Variants in ABR observed in about 807,000 individuals in gnomAD.
ABR encodes the protein ABR activator of RhoGEF and GTPase.
ABR carries 35 observed loss-of-function variants against 107.2 expected under a neutral mutation model. The observed-to-expected ratio is 0.33, with a 90% CI of 0.25 to 0.43. The LOEUF (loss-of-function observed/expected upper bound fraction) is 0.43, where lower values mean the gene tolerates loss of function less well. Ranked by LOEUF, ABR falls within the 20% of genes least tolerant of loss-of-function variation. The pLI is 1.00. For synonymous variants in ABR, 498 were observed against 462.0 expected (o/e 1.08, Z -1.00); for missense variants, 815 against 1,115.2 (o/e 0.73, Z 3.83).
chr17:1,204,684 C>T (rs1039307504), intron 1 of ABR, among the ~76,000 whole-genome samples: 2 of 152,104 alleles, frequency 1.3e-5, no homozygotes, highest in African/African-American at 4.8e-5. Flanking sequence ...GAGCAGTAAG[C>T]TGTCTATATC....
At chr17:1,109,136 AGGGAGGAGGCGGGC>A (rs979530474) in intron 2 of ABR, 73 of 747,852 alleles carry the variant, frequency 9.8e-5, no homozygotes, top group Non-Finnish European at 1.3e-4. Flanking sequence ...AGGAGGGAGG[AGGGAGGAGGCGGGC>A]GGGAGGGGGG....
intron 16 of ABR, among the ~76,000 whole-genome samples, chr17:1,018,847 T>TA (rs1465252871): frequency 6.6e-6 from 1 of 152,180 alleles, no homozygotes; most frequent in Non-Finnish European, 1.5e-5. Flanking sequence ...ATAGCAGACA[T>TA]ATGCGGTTTA....
intron 1 of ABR, among the ~76,000 whole-genome samples, chr17:1,144,392 C>A (rs115185476): frequency 6.6e-6 from 1 of 151,906 alleles, no homozygotes; most frequent in African/African-American, 2.4e-5. Context: ...CGGGATTCAA[C>A]GAGGTGGGCA....
At chr17:1,012,394 C>G in intron 18 of ABR, 3 of 664,656 alleles carry the variant, frequency 4.5e-6, no homozygotes, top group Non-Finnish European at 8.3e-6. Context: ...CCGTTGGTGC[C>G]GAGCCCAAAC....
intron 10 of ABR, 39 bp downstream of exon 10, chr17:1,067,038 C>T: frequency 6.2e-7 from 1 of 1,605,162 alleles, no homozygotes; most frequent in South Asian, 1.1e-5. Flanking sequence ...ACACAGCTGG[C>T]TCAAAGGGCC....
At chr17:1,106,670 C>T (rs958378461) in intron 2 of ABR, among the ~76,000 whole-genome samples, 6 of 151,906 alleles carry the variant, frequency 3.9e-5, no homozygotes, top group African/African-American at 1.4e-4. Flanking sequence ...GCTGGGATTA[C>T]AGACGCCCAC....
At chr17:1,058,306 A>T (rs2033574400) in intron 11 of ABR, among the ~76,000 whole-genome samples, 2 of 152,006 alleles carry the variant, frequency 1.3e-5, no homozygotes, top group South Asian at 4.2e-4. Flanking sequence ...CGCCCGGCTA[A>T]TTTTTGTGTT....
intron 1 of ABR, among the ~76,000 whole-genome samples, chr17:1,133,422 T>C (rs938093207): frequency 2.0e-5 from 3 of 152,160 alleles, no homozygotes; most frequent in African/African-American, 7.2e-5. Flanking sequence ...GTGTGAAATA[T>C]TAAAAACAAC....
chr17:1,038,012 G>T (rs142646535), intron 16 of ABR, among the ~76,000 whole-genome samples: 1 of 152,146 alleles, frequency 6.6e-6, no homozygotes, highest in Admixed American at 6.5e-5. Context: ...ATTTTATGCC[G>T]ACGTCTCCCT....
At chr17:1,054,527 TGGGGGCACAAAGAACCTGAGGGGAC>T (rs796445578) in intron 14 of ABR, among the ~76,000 whole-genome samples, 1 of 33,828 alleles carries the variant, frequency 3.0e-5, no homozygotes, top group African/African-American at 1.2e-4. Flanking sequence ...CCTCAGGGGA[TGGGGGCACAAAGAACCTGAGGGGAC>T]GGGGGCACAA....
chr17:1,074,843 G>C (rs1215057572), intron 6 of ABR, among the ~76,000 whole-genome samples: 1 of 152,240 alleles, frequency 6.6e-6, no homozygotes, highest in Non-Finnish European at 1.5e-5. Context: ...CTATTTGGGA[G>C]GCTGAGGCAG....
At chr17:1,142,770 CACAG>C (rs1051225385) in intron 1 of ABR, among the ~76,000 whole-genome samples, 1 of 152,096 alleles carries the variant, frequency 6.6e-6, no homozygotes, top group Non-Finnish European at 1.5e-5. Flanking sequence ...GATTGTGAAC[CACAG>C]ACAGGCAGGG....
chr17:1,007,307 G>A lies in ABR; in HGVS notation c.2348C>T (p.Ala783Val). 1 of 1,614,040 alleles carries A rather than the reference G, an allele frequency of 6.2e-7. No homozygotes were observed. The highest frequency in any genetic ancestry group is 8.5e-7 in the Non-Finnish European group (1 of 1,179,956). The change falls in exon 22 of 23, where the codon GCC (alanine) becomes GTC (valine). Residue 783 changes from alanine to valine, a missense_variant. Around this residue, in one of 5 missense-constraint regions of ABR, gnomAD observed 175 missense variants for 284.3 expected, o/e 0.62. Coordinates refer to ENST00000302538, the MANE Select transcript of ABR (RefSeq NM_021962.5). ...LFLLEHLKRV[A>V]EKEPINKMSL... ...CATTTTGTTGATGGGCTCCTTCTCGGCAACCCTAAGAAGGAGAAGATGGGG... is the reference window on the plus strand; with the variant it reads ...CATTTTGTTGATGGGCTCCTTCTCGACAACCCTAAGAAGGAGAAGATGGGG...
chr17:1,123,222 G>A (rs889376834), intron 2 of ABR, among the ~76,000 whole-genome samples: 8 of 152,236 alleles, frequency 5.3e-5, no homozygotes, highest in African/African-American at 9.6e-5. Flanking sequence ...ACCTTTGCCC[G>A]GACGATCCCC....
intron 16 of ABR, among the ~76,000 whole-genome samples, chr17:1,046,689 G>A (rs1372850423): frequency 6.6e-6 from 1 of 152,224 alleles, no homozygotes; most frequent in Non-Finnish European, 1.5e-5. Context: ...CTCTGTCCGG[G>A]CTGGGGGATT....
At chr17:1,160,285 CA>C (rs1461231823) in intron 1 of ABR, among the ~76,000 whole-genome samples, 1,369 of 19,954 alleles carry the variant, frequency 0.069, 26 homozygotes, top group African/African-American at 0.2. Flanking sequence ...AAAAAAACCA[CA>C]CACACACACA....
At chr17:1,029,723 G>C (rs552007581) in intron 16 of ABR, among the ~76,000 whole-genome samples, 1 of 152,314 alleles carries the variant, frequency 6.6e-6, no homozygotes, top group African/African-American at 2.4e-5. Flanking sequence ...CAAGAGGCCT[G>C]GCCCTTTGAC....
At chr17:1,190,748 C>T (rs1012316157), upstream of ABR, among the ~76,000 whole-genome samples, 3 of 152,176 alleles carry the variant, frequency 2.0e-5, no homozygotes, top group East Asian at 1.9e-4. Context: ...CTGCTCTCGC[C>T]GTCTGCTGGG....
intron 1 of ABR, among the ~76,000 whole-genome samples, chr17:1,223,070 C>T (rs1359805136): frequency 2.0e-5 from 3 of 151,926 alleles, no homozygotes; most frequent in East Asian, 1.9e-4. Context: ...GGTGTGGTGG[C>T]GGGCACCTGT....
Sources: gnomAD v4.1 joint callset for allele counts (sites outside exome capture counted in the v4.1 genomes callset) on GRCh38, gnomAD v4.1.1 for gene constraint, gnomAD v4.1.1 regional missense constraint, MANE v1.5 for transcripts, NCBI Gene and HGNC (gene_info 2026-07-23, HGNC 2026-07-21) for gene names.